ADAMTS19: variants seen among roughly 807,000 people sequenced by gnomAD.
The protein encoded by ADAMTS19 is ADAM metallopeptidase with thrombospondin type 1 motif 19, also known as A disintegrin and metalloproteinase with thrombospondin motifs 19.
In ADAMTS19, 93 loss-of-function variants were observed where a neutral mutation model predicts 153.3. That is an observed-to-expected ratio of 0.61 (90% CI 0.51 to 0.72). The LOEUF (loss-of-function observed/expected upper bound fraction) is 0.72. Ranked by LOEUF, ADAMTS19 falls within the 30% of genes least tolerant of loss-of-function variation. The pLI is 0.00. For missense variants in ADAMTS19, 1,482 were observed against 1,552.1 expected, an observed-to-expected ratio of 0.95 and a Z score of 0.76; for synonymous variants, 600 against 556.6, an observed-to-expected ratio of 1.08 and a Z score of -1.10.
At chr5:129,691,962 T>A (rs1755358755) in intron 18 of ADAMTS19, among the ~76,000 whole-genome samples, 1 of 152,192 alleles carries the variant, frequency 6.6e-6, no homozygotes, top group Non-Finnish European at 1.5e-5. Flanking sequence ...TATATATATG[T>A]TCAGCAAAAG....
At chr5:129,628,218 A>G (rs1330563633) in intron 10 of ADAMTS19, among the ~76,000 whole-genome samples, 5 of 151,872 alleles carry the variant, frequency 3.3e-5, no homozygotes, top group Admixed American at 6.6e-5. Flanking sequence ...ACCAAATACC[A>G]TTTGTTCTCA....
intron 7 of ADAMTS19, among the ~76,000 whole-genome samples, chr5:129,555,111 T>C (rs1753269806): frequency 6.6e-6 from 1 of 152,248 alleles, no homozygotes; most frequent in South Asian, 2.1e-4. Flanking sequence ...ACTTTTTTTT[T>C]CTGTAATGAA....
chr5:129,571,771 A>G (rs1330411484), intron 7 of ADAMTS19, among the ~76,000 whole-genome samples: 2 of 151,872 alleles, frequency 1.3e-5, no homozygotes, highest in Non-Finnish European at 2.9e-5. Flanking sequence ...ACAAGGGTTT[A>G]GTAATCAAGA....
rs950590069 is a variant in ADAMTS19 at position 129,679,880 on chromosome 5, A to T, written c.2623A>T (p.Ile875Phe). 1.2e-6 allele frequency: 2 copies of T among 1,613,944 alleles called. No individual in the cohort carries two copies. Among genetic ancestry groups the T allele is most frequent in the African/African-American group, 2.7e-5 (2 of 74,922 alleles). The change falls in exon 17 of 23, where the codon ATC becomes TTC. Residue 875 changes from isoleucine to phenylalanine, a missense_variant. Ile to Phe is a conservative substitution (Grantham distance 21). This residue lies in a region of ADAMTS19 where 616 missense variants were observed against 724.4 expected (regional missense o/e 0.85). Transcript: ENST00000274487. ...TGTAAGACGAGGCCTCTGGGAGAAGATCTCTGCCAAAGGTCCTACTACAGC... is the reference window on the plus strand; with the variant it reads ...TGTAAGACGAGGCCTCTGGGAGAAGTTCTCTGCCAAAGGTCCTACTACAGC... ...HYVRRGLWEK[I>F]SAKGPTTAPL... is the part of the protein sequence containing the mutation.
intron 8 of ADAMTS19, among the ~76,000 whole-genome samples, chr5:129,608,114 GTGTATATA>G (rs1470653320): frequency 3.5e-5 from 1 of 28,744 alleles, no homozygotes; most frequent in African/African-American, 6.8e-5. Flanking sequence ...GTGTGTGTGT[GTGTATATA>G]TATATATATA....
chr5:129,471,047 G>A (rs1437767318), intron 2 of ADAMTS19, among the ~76,000 whole-genome samples: 1 of 129,752 alleles, frequency 7.7e-6, no homozygotes, highest in Non-Finnish European at 1.6e-5. Context: ...CAAGTGTGGT[G>A]TGTAGATATC....
intron 10 of ADAMTS19, among the ~76,000 whole-genome samples, chr5:129,626,574 C>T (rs778329596): frequency 8.6e-5 from 13 of 152,042 alleles, no homozygotes; most frequent in Non-Finnish European, 1.6e-4. Context: ...TCTCTCCACT[C>T]TTATACTCCA....
At chr5:129,647,702 G>A (rs1448030057) in intron 11 of ADAMTS19, 63 bp from the exon 12 acceptor site, 22 of 1,565,116 alleles carry the variant, frequency 1.4e-5, no homozygotes, top group Admixed American at 5.1e-5. Flanking sequence ...TGACATTATA[G>A]GCCAGCGAAT....
In ADAMTS19 at chr5:129,461,012, C is replaced by A; in HGVS notation, c.92-90C>A. 7.9e-7 allele frequency: 1 copy of A among 1,264,682 alleles called. No individual in the cohort carries two copies. The highest frequency in any genetic ancestry group is 9.9e-7 in the Non-Finnish European group (1 of 1,006,890). The allele number at this position is 1,264,682 out of a possible 1,614,324, so 78.3% of individuals were successfully genotyped here. On this transcript the variant is annotated intron_variant, in intron 1 of 22. Transcript: ENST00000274487. This position sits in a 1 kb window ranked among gnomAD's most constrained non-coding sequence, Gnocchi z 4.6. The stretch of plus-strand genomic sequence containing the variant: ...TCTCCATTGCATTCAACGCGAGCGC[C>A]CTGTATCTATGGACTGTGAGCTTGG...
chr5:129,704,658 T>C (rs1180810174), intron 21 of ADAMTS19, among the ~76,000 whole-genome samples: 1 of 152,206 alleles, frequency 6.6e-6, no homozygotes, highest in African/African-American at 2.4e-5. Flanking sequence ...ATTGCTTTTT[T>C]GTTAATTATT....
intron 1 of ADAMTS19, among the ~76,000 whole-genome samples, 177 bp from the exon 2 acceptor site, chr5:129,460,925 G>A (rs1044821191): frequency 1.2e-4 from 18 of 149,894 alleles, no homozygotes; most frequent in African/African-American, 3.9e-4. Context: ...TGAAAATGCT[G>A]GGGTCTGTAA....
chr5:129,623,963 A>G (rs1343976104), intron 10 of ADAMTS19, among the ~76,000 whole-genome samples: 1 of 150,292 alleles, frequency 6.7e-6, no homozygotes, highest in African/African-American at 2.5e-5. Flanking sequence ...TCCTAAAAAT[A>G]TAAAAAAAAA....
At chr5:129,653,979 G>A (rs186331278) in intron 13 of ADAMTS19, among the ~76,000 whole-genome samples, 275 of 152,206 alleles carry the variant, frequency 1.8e-3, no homozygotes, top group Non-Finnish European at 2.9e-3. Context: ...AAAAAAATAT[G>A]AGCATAAAAT....
At chr5:129,594,109 A>G (rs1599940) in intron 7 of ADAMTS19, among the ~76,000 whole-genome samples, 20 of 152,280 alleles carry the variant, frequency 1.3e-4, no homozygotes, top group Admixed American at 5.2e-4. Flanking sequence ...AGAAGGAAAA[A>G]TAAGGAGCTC....
chr5:129,595,798 C>T (rs1750346692), intron 7 of ADAMTS19, among the ~76,000 whole-genome samples: 1 of 151,996 alleles, frequency 6.6e-6, no homozygotes, highest in African/African-American at 2.4e-5. Flanking sequence ...ATAACTTACA[C>T]TTGGTAACAA....
chr5:129,627,208 A>G (rs2126991894), intron 10 of ADAMTS19, among the ~76,000 whole-genome samples: 1 of 152,236 alleles, frequency 6.6e-6, no homozygotes, highest in Middle Eastern at 3.4e-3. Flanking sequence ...ACTAAGACCC[A>G]GGTCAATGCA....
At chr5:129,570,337 A>ACCAGT (rs1561576744) in intron 7 of ADAMTS19, among the ~76,000 whole-genome samples, 6 of 151,912 alleles carry the variant, frequency 3.9e-5, no homozygotes, top group Non-Finnish European at 7.4e-5. Context: ...GATTAAATGG[A>ACCAGT]CCAGTTCATT....
intron 2 of ADAMTS19, among the ~76,000 whole-genome samples, chr5:129,479,606 C>T (rs577979205): frequency 7.9e-5 from 12 of 152,210 alleles, no homozygotes; most frequent in African/African-American, 2.9e-4. Context: ...CGAGGTTTAG[C>T]AAGATGGCGG....
At chr5:129,585,027 C>T (rs953228612) in intron 7 of ADAMTS19, among the ~76,000 whole-genome samples, 2 of 152,304 alleles carry the variant, frequency 1.3e-5, no homozygotes, top group Admixed American at 1.3e-4. Flanking sequence ...CCTGGTGGTG[C>T]AGGCACCTGT....
Sources: gnomAD v4.1 joint callset for allele counts (sites outside exome capture counted in the v4.1 genomes callset) on GRCh38, gnomAD v4.1.1 for gene constraint, gnomAD v4.1.1 regional missense constraint, Gnocchi (gnomAD v3.1) non-coding constraint, MANE v1.5 for transcripts, NCBI Gene and HGNC (gene_info 2026-07-23, HGNC 2026-07-21) for gene names.